Variants in RNF170 observed in about 807,000 individuals in gnomAD.
RNF170 encodes the protein ring finger protein 170.
In RNF170, 12 loss-of-function variants were observed where a neutral mutation model predicts 32.7. That is an observed-to-expected ratio of 0.37 (90% CI 0.24 to 0.60). RNF170 has a LOEUF of 0.60. RNF170 is among the 20% of genes least tolerant of loss of function. RNF170 has a pLI of 0.72. For missense variants in RNF170, 212 were observed against 311.2 expected, an observed-to-expected ratio of 0.68 and a Z score of 2.40; for synonymous variants, 91 against 103.6, an observed-to-expected ratio of 0.88 and a Z score of 0.74.
downstream of RNF170, among the ~76,000 whole-genome samples, chr8:42,851,458 G>T (rs900080007): frequency 1.1e-4 from 17 of 151,732 alleles, no homozygotes; most frequent in Non-Finnish European, 2.2e-4. Flanking sequence ...CCAGCTACTC[G>T]GGAGACTGAG....
chr8:42,874,073 G>A (rs1387855178), intron 2 of RNF170, 67 bp from the exon 3 acceptor site: 1 of 943,536 alleles, frequency 1.1e-6, no homozygotes, highest in Non-Finnish European at 1.7e-6. Flanking sequence ...TTCTTCATGG[G>A]TCTACTTTCT....
intron 1 of RNF170, among the ~76,000 whole-genome samples, chr8:42,895,099 G>C (rs546339877): frequency 6.6e-6 from 1 of 152,092 alleles, no homozygotes; most frequent in African/African-American, 2.4e-5. Flanking sequence ...CGGATCACTT[G>C]AGCCCAGGAA....
chr8:42,863,990 T>A (rs1487248325), intron 5 of RNF170, among the ~76,000 whole-genome samples: 4,005 of 147,788 alleles, frequency 0.027, 183 homozygotes, highest in African/African-American at 0.095. Flanking sequence ...AGTGTGTGTG[T>A]GTGTGTGTGT....
chr8:42,860,969 C>A (rs1336756148), intron 6 of RNF170, among the ~76,000 whole-genome samples: 1 of 152,190 alleles, frequency 6.6e-6, no homozygotes, highest in Non-Finnish European at 1.5e-5. Flanking sequence ...CCACCCGCCT[C>A]GGCCTCCCAA....
chr8:42,853,679 T>G lies in RNF170; in HGVS notation c.*2480A>C. 1 of 1,287,030 alleles carries G rather than the reference T, an allele frequency of 7.8e-7. No individual in the cohort carries two copies. Among genetic ancestry groups the G allele is most frequent in the Non-Finnish European group, 1.0e-6 (1 of 988,582 alleles). 79.7% of individuals were successfully genotyped at this position (1,287,030 alleles called of 1,614,324 possible). A position where few individuals can be genotyped will look rare whatever the true frequency, so the allele number is the denominator to read the frequency against. On this transcript the variant is annotated 3_prime_UTR_variant, in exon 7 of 7. Transcript: ENST00000527424. ...ACTCTGAATCACGGAAGTATTACTA[T>G]GATGTTCAAAACTCTGATTGACTCT... is the stretch of plus-strand genomic sequence containing the variant.
In RNF170 at chr8:42,870,128, G is replaced by C. The variant is rs764569773; in HGVS notation, c.214-16C>G. ...CAGGTGCATCCTAATAAGAACACAG[G>C]TGCACACATTGGAACACAACACATG... On this transcript the variant is annotated splice_polypyrimidine_tract_variant and intron_variant, in intron 3 of 6. Coordinates refer to ENST00000527424, the MANE Select transcript of RNF170 (RefSeq NM_030954.4). The C allele has an allele frequency of 1.2e-5, 19 of 1,568,686 alleles. No individual in the cohort carries two copies. Among genetic ancestry groups the C allele is most frequent in the Non-Finnish European group, 1.7e-5 (19 of 1,139,158 alleles).
intron 3 of RNF170, among the ~76,000 whole-genome samples, chr8:42,870,931 G>C (rs1455793578): frequency 6.6e-6 from 1 of 151,470 alleles, no homozygotes; most frequent in Non-Finnish European, 1.5e-5. Context: ...CTACATGGCC[G>C]GGCACGGTGG....
At chr8:42,875,194 G>A (rs1804832640) in intron 2 of RNF170, among the ~76,000 whole-genome samples, 2 of 151,284 alleles carry the variant, frequency 1.3e-5, no homozygotes, top group Non-Finnish European at 2.9e-5. Flanking sequence ...AAAGAAAGAT[G>A]TGTTGGTCAG....
intron 2 of RNF170, among the ~76,000 whole-genome samples, chr8:42,882,381 G>T (rs1805483563): frequency 6.6e-6 from 1 of 152,104 alleles, no homozygotes; most frequent in Non-Finnish European, 1.5e-5. Context: ...CATACAATGA[G>T]AAATTTTAAA....
intron 4 of RNF170, among the ~76,000 whole-genome samples, chr8:42,865,993 C>A (rs1804054280): frequency 6.6e-6 from 1 of 151,904 alleles, no homozygotes; most frequent in Non-Finnish European, 1.5e-5. Context: ...TCAAAAAAAA[C>A]CTCCAAGTTA....
Position 42,861,868 on chromosome 8 carries a change from G to T in RNF170, c.397-13C>A. ...GGAGTAAGGTTACCTGTATATTACA[G>T]AAAAAAAAATTATTTCAACTTTCTG... On this transcript the variant is annotated splice_polypyrimidine_tract_variant and intron_variant, in intron 5 of 6. Transcript: ENST00000527424. 1 of 1,576,754 alleles carries T rather than the reference G, an allele frequency of 6.3e-7. No homozygotes were observed. The highest frequency in any genetic ancestry group is 8.6e-7 in the Non-Finnish European group (1 of 1,162,402).
chr8:42,851,134 C>T (rs949785018), downstream of RNF170: 33 of 1,288,858 alleles, frequency 2.6e-5, no homozygotes, highest in Non-Finnish European at 3.3e-5. Flanking sequence ...CTGGGCTCTA[C>T]CACCACAGCC....
Position 42,873,995 on chromosome 8 carries a change from T to G in RNF170, c.149A>C (p.Gln50Pro). Residue 50 changes from glutamine to proline, a missense_variant, in exon 3 of 7, where the codon CAA (glutamine) becomes CCA (proline). Transcript: ENST00000527424. ...LVYALFRNVH[Q>P]NIHPENQELV... The stretch of plus-strand genomic sequence containing the variant: ...CTCCTGGTTTTCTGGGTGAATGTTT[T>G]GATGTACATTTCTGTTGAATAGAAT... The G allele has an allele frequency of 6.3e-7, 1 of 1,587,836 alleles. No individual in the cohort carries two copies. The highest frequency in any genetic ancestry group is 8.6e-7 in the Non-Finnish European group (1 of 1,156,388).
chr8:42,854,758 G>A lies in RNF170; in HGVS notation c.*1401C>T. ...TGACAATGCTAACACTGACTCCTGG[G>A]CATCCCCTCACATCCTGCTGTCATA... On this transcript the variant is annotated 3_prime_UTR_variant, in exon 7 of 7. Transcript: ENST00000527424. 1 of 1,287,330 alleles carries A rather than the reference G, an allele frequency of 7.8e-7. No individual in the cohort carries two copies. The highest frequency in any genetic ancestry group is 1.0e-6 in the Non-Finnish European group (1 of 988,682). 79.7% of individuals were successfully genotyped at this position (1,287,330 alleles called of 1,614,324 possible).
downstream of RNF170, chr8:42,850,668 G>T: frequency 9.5e-7 from 1 of 1,050,632 alleles, no homozygotes; most frequent in Non-Finnish European, 1.4e-6. Flanking sequence ...ATATGATGAT[G>T]CTGTGCTGAG....
At chr8:42,896,347 C>CG (rs1236619572) in intron 1 of RNF170, 137 bp downstream of exon 1, 5 of 413,336 alleles carry the variant, frequency 1.2e-5, no homozygotes, top group East Asian at 7.7e-5. Flanking sequence ...GGGAGGGGCC[C>CG]GGGGGGAAGG....
intron 4 of RNF170, 42 bp downstream of exon 4, chr8:42,869,962 T>C (rs772932187): frequency 3.6e-6 from 5 of 1,401,210 alleles, no homozygotes; most frequent in Non-Finnish European, 5.1e-6. Context: ...GAGGTCTTGG[T>C]CTACACAGTC....
chr8:42,892,216 T>C (rs1301960676), intron 1 of RNF170, among the ~76,000 whole-genome samples: 1 of 152,206 alleles, frequency 6.6e-6, no homozygotes, highest in East Asian at 1.9e-4. Context: ...CAGGGTCTTG[T>C]TCTGTCACCC....
intron 3 of RNF170, among the ~76,000 whole-genome samples, 178 bp downstream of exon 3, chr8:42,873,753 A>G (rs1189165457): frequency 6.6e-6 from 1 of 152,230 alleles, no homozygotes; most frequent in Non-Finnish European, 1.5e-5. Context: ...ATCTGAATAG[A>G]TTAAGGCTAG....
Sources: gnomAD v4.1 joint callset for allele counts (sites outside exome capture counted in the v4.1 genomes callset) on GRCh38, gnomAD v4.1.1 for gene constraint, MANE v1.5 for transcripts, NCBI Gene and HGNC (gene_info 2026-07-23, HGNC 2026-07-21) for gene names.